MAST4: variants seen among roughly 807,000 people sequenced by gnomAD.
MAST4 encodes the protein microtubule associated serine/threonine kinase family member 4.
Under a neutral mutation model 162.7 loss-of-function variants are expected in MAST4, and 89 were observed. The observed-to-expected ratio is 0.55, with a 90% CI of 0.46 to 0.65. The LOEUF (loss-of-function observed/expected upper bound fraction) is 0.65, where lower values mean the gene tolerates loss of function less well. MAST4 is among the 30% of genes least tolerant of loss of function. The pLI, the probability that MAST4 is intolerant of heterozygous loss-of-function variation, is 0.00. For synonymous variants in MAST4, 1,479 were observed against 1,361.1 expected (o/e 1.09, Z -1.91); for missense variants, 3,153 against 3,374.0 (o/e 0.93, Z 1.62).
chr5:67,000,448 C>G (rs1052521240), intron 4 of MAST4, among the ~76,000 whole-genome samples: 1 of 152,148 alleles, frequency 6.6e-6, no homozygotes, highest in Non-Finnish European at 1.5e-5. Flanking sequence ...TGGAGAAAAC[C>G]CCTTCTTAAA....
At chr5:66,904,669 A>C (rs187553147) in intron 4 of MAST4, among the ~76,000 whole-genome samples, 39 of 148,670 alleles carry the variant, frequency 2.6e-4, no homozygotes, top group African/African-American at 9.8e-4. Context: ...CACCTGCTTG[A>C]TTGCTTGCTT....
chr5:67,020,955 T>TA (rs1329419983), intron 4 of MAST4, among the ~76,000 whole-genome samples: 4 of 152,208 alleles, frequency 2.6e-5, no homozygotes, highest in African/African-American at 9.7e-5. Context: ...GTCAAGTAGT[T>TA]ACCACAGAAA....
chr5:66,884,583 T>C (rs555775497), intron 3 of MAST4, among the ~76,000 whole-genome samples: 3 of 152,300 alleles, frequency 2.0e-5, no homozygotes, highest in Admixed American at 2.0e-4. Context: ...GATTACCGCG[T>C]TATTGCTTAG....
chr5:67,019,871 G>A (rs1011585831), intron 4 of MAST4, among the ~76,000 whole-genome samples: 8 of 152,104 alleles, frequency 5.3e-5, no homozygotes, highest in South Asian at 2.1e-4. Context: ...TTCCAAAACC[G>A]TCTAGTTGAA....
At chr5:67,078,686 ATATT>A (rs1213222458) in intron 5 of MAST4, among the ~76,000 whole-genome samples, 2 of 133,986 alleles carry the variant, frequency 1.5e-5, no homozygotes, top group African/African-American at 5.8e-5. Flanking sequence ...ATATTTATTT[ATATT>A]TATATATTTA....
At chr5:66,724,343 C>G (rs746183468) in intron 1 of MAST4, among the ~76,000 whole-genome samples, 2 of 152,168 alleles carry the variant, frequency 1.3e-5, no homozygotes, top group Admixed American at 6.5e-5. Context: ...GGTTAACTAG[C>G]ATGTCACAAA....
intron 23 of MAST4, 106 bp from the exon 24 acceptor site, chr5:67,149,283 G>T (rs1015826580): frequency 1.3e-5 from 12 of 958,676 alleles, no homozygotes; most frequent in Non-Finnish European, 1.9e-5. Flanking sequence ...CCACATAGGA[G>T]TATGTTCTCT....
At chr5:66,761,286 A>G (rs1270554681) in intron 2 of MAST4, among the ~76,000 whole-genome samples, 3 of 152,242 alleles carry the variant, frequency 2.0e-5, no homozygotes, top group Non-Finnish European at 4.4e-5. Flanking sequence ...TTTCAAATCC[A>G]GAAAACTCAC....
chr5:66,830,486 G>GT (rs1437642317), intron 3 of MAST4, among the ~76,000 whole-genome samples: 3 of 152,048 alleles, frequency 2.0e-5, no homozygotes, highest in Non-Finnish European at 4.4e-5. Context: ...AGAGTGCTAG[G>GT]TTTTTATTGT....
chr5:67,015,532 GT>G (rs1200317004), intron 4 of MAST4, among the ~76,000 whole-genome samples: 1 of 152,160 alleles, frequency 6.6e-6, no homozygotes, highest in African/African-American at 2.4e-5. Context: ...GTAATTGTTT[GT>G]GCTTTGCTCT....
intron 3 of MAST4, among the ~76,000 whole-genome samples, chr5:66,812,206 A>G (rs1756512579): frequency 6.6e-6 from 1 of 152,228 alleles, no homozygotes. Context: ...CCAGACCAGG[A>G]AGTATGCCAA....
intron 4 of MAST4, among the ~76,000 whole-genome samples, chr5:67,008,838 C>G (rs1277475810): frequency 6.6e-6 from 1 of 152,136 alleles, no homozygotes; most frequent in African/African-American, 2.4e-5. Context: ...TAAACTAAAT[C>G]CTGTAGTTGT....
intron 4 of MAST4, among the ~76,000 whole-genome samples, chr5:67,020,679 G>T (rs983640602): frequency 6.6e-6 from 1 of 152,202 alleles, no homozygotes; most frequent in African/African-American, 2.4e-5. Context: ...ACAGAAGGTT[G>T]GAATGCTGAG....
At chr5:66,892,367 CA>C (rs1472084912) in intron 3 of MAST4, among the ~76,000 whole-genome samples, 1 of 152,164 alleles carries the variant, frequency 6.6e-6, no homozygotes, top group African/African-American at 2.4e-5. Flanking sequence ...GGCCTTTTCA[CA>C]CTGTATTTTA....
chr5:67,049,187 T>G (rs889419821), intron 4 of MAST4, among the ~76,000 whole-genome samples: 3 of 151,426 alleles, frequency 2.0e-5, no homozygotes, highest in African/African-American at 7.3e-5. Context: ...AGAGTACATT[T>G]TGTTCTCTTT....
chr5:66,834,832 C>T (rs150970545), intron 3 of MAST4, among the ~76,000 whole-genome samples: 45 of 152,242 alleles, frequency 3.0e-4, no homozygotes, highest in African/African-American at 8.7e-4. Flanking sequence ...AAGCACATGG[C>T]GCTCCTTTGA....
At chr5:66,643,791 T>G (rs993631103) in intron 1 of MAST4, among the ~76,000 whole-genome samples, 3 of 152,016 alleles carry the variant, frequency 2.0e-5, no homozygotes, top group African/African-American at 7.2e-5. Flanking sequence ...TAAATGCAAA[T>G]GGAAAATCCA....
intron 1 of MAST4, among the ~76,000 whole-genome samples, chr5:66,695,598 T>G (rs1749348969): frequency 6.6e-6 from 1 of 152,214 alleles, no homozygotes; most frequent in Admixed American, 6.5e-5. Context: ...ATCTGTAAAT[T>G]ACTTTGGGCA....
intron 5 of MAST4, among the ~76,000 whole-genome samples, chr5:67,078,939 T>TATAATATATATATATAATATATATATATA (rs1561622738): frequency 2.0e-4 from 19 of 97,154 alleles, no homozygotes; most frequent in African/African-American, 8.7e-4. Context: ...TATATATATA[T>TATAATATATATATATAATATATATATATA]ATATATATAT....
Sources: gnomAD v4.1 joint callset for allele counts (sites outside exome capture counted in the v4.1 genomes callset) on GRCh38, gnomAD v4.1.1 for gene constraint, MANE v1.5 for transcripts, NCBI Gene and HGNC (gene_info 2026-07-23, HGNC 2026-07-21) for gene names.